Variants in ABCA13 observed in about 807,000 individuals in gnomAD.
The protein encoded by ABCA13 is ATP-binding cassette sub-family A member 13.
In ABCA13, 476 loss-of-function variants were observed where a neutral mutation model predicts 478.7. That is an observed-to-expected ratio of 0.99 (90% confidence interval 0.92 to 1.07). ABCA13 has a LOEUF of 1.07. ABCA13 is among the 50% of genes least tolerant of loss of function. The pLI is 0.00. For missense variants in ABCA13, 6,060 were observed against 5,910.6 expected, an observed-to-expected ratio of 1.03 and a Z score of -0.83; for synonymous variants, 2,252 against 2,158.9, an observed-to-expected ratio of 1.04 and a Z score of -1.20.
Position 48,229,848 on chromosome 7 carries a change from T to C in ABCA13, c.656T>C (p.Leu219Ser). 6.2e-7 allele frequency: 1 copy of C among 1,614,052 alleles called. No individual in the cohort carries two copies. Among genetic ancestry groups the C allele is most frequent in the South Asian group, 1.1e-5 (1 of 91,080 alleles). ...AGTTCCTTAATATCCCTAGAAGATT[T>C]AGATTGGCTTCCACTCAACCAAACT... ...ILNSLISLED[L>S]DWLPLNQTFS... Residue 219 changes from leucine (L) to serine (S), a missense_variant, in exon 7 of 62, where the codon TTA (leucine) becomes TCA (serine). Leu to Ser is a moderately radical substitution (Grantham distance 145). Transcript: ENST00000435803.
At position 48,520,222 on chromosome 7, in the gene ABCA13, A is replaced by T; in HGVS notation, c.13979A>T (p.Gln4660Leu). 1 of 1,613,658 alleles carries T rather than the reference A, an allele frequency of 6.2e-7. No individual in the cohort carries two copies. Among genetic ancestry groups the T allele is most frequent in the Non-Finnish European group, 8.5e-7 (1 of 1,179,758 alleles). Residue 4660 changes from glutamine to leucine, a missense_variant, in exon 53 of 62, where the codon CAA (glutamine) becomes CTA (leucine). This residue lies in a region of ABCA13 where 1,627 missense variants were observed against 1,571.0 expected (regional missense o/e 1.04). Transcript: ENST00000435803. Reference sequence around the variant, plus strand: ...AACTTTCTGGGCTGGATCTTCGTGCAACTGGCCTCGCAGGGCACAGTACTT... The same window carrying T: ...AACTTTCTGGGCTGGATCTTCGTGCTACTGGCCTCGCAGGGCACAGTACTT... ...EMNFLGWIFV[Q>L]LASQGTVLLL...
At chr7:48,392,433 G>A (rs1477017469) in intron 38 of ABCA13, among the ~76,000 whole-genome samples, 2 of 152,118 alleles carry the variant, frequency 1.3e-5, no homozygotes, top group East Asian at 3.9e-4. Flanking sequence ...TGGAGTAAAA[G>A]GTCCCTAGGG....
In ABCA13 at chr7:48,271,557, G is replaced by A. The variant is rs1199524686; in HGVS notation, c.2121-230G>A. Reference sequence around the variant, plus strand: ...ATGCCAGGGGAAAATAATTGAGAATGCTTTCTTTTTGGTGGTAGGAAACAT... The same window carrying A: ...ATGCCAGGGGAAAATAATTGAGAATACTTTCTTTTTGGTGGTAGGAAACAT... On this transcript the variant is annotated intron_variant, in intron 16 of 61. Transcript: ENST00000435803. Among the ~76,000 whole-genome samples, 3 of 151,916 alleles carry A rather than the reference G, an allele frequency of 2.0e-5. 1 individual carries two copies. In the East Asian group the frequency reaches 5.8e-4, roughly 29 times the overall value.
At chr7:48,389,741 T>C (rs925870178) in intron 37 of ABCA13, among the ~76,000 whole-genome samples, 3 of 152,226 alleles carry the variant, frequency 2.0e-5, no homozygotes, top group Admixed American at 6.5e-5. Flanking sequence ...AAGAATCAAA[T>C]CATGTGCTCC....
At chr7:48,493,799 T>A (rs1293419449) in intron 48 of ABCA13, among the ~76,000 whole-genome samples, 1 of 152,198 alleles carries the variant, frequency 6.6e-6, no homozygotes, top group Non-Finnish European at 1.5e-5. Flanking sequence ...ATTTGGTTGA[T>A]TTGGAGTAAG....
At chr7:48,586,396 G>A (rs979255551) in intron 56 of ABCA13, among the ~76,000 whole-genome samples, 3 of 152,120 alleles carry the variant, frequency 2.0e-5, no homozygotes, top group African/African-American at 7.2e-5. Flanking sequence ...ATTCCCTCCA[G>A]CCATAAAAAT....
chr7:48,275,577 G>A lies in ABCA13; in HGVS notation c.5911G>A (p.Glu1971Lys). The change falls in exon 17 of 62, where the codon GAA becomes AAA. Residue 1971 changes from glutamate (E) to lysine (K), a missense_variant. By Grantham distance (56) the Glu-to-Lys change is moderately conservative. Coordinates refer to ENST00000435803, the MANE Select transcript of ABCA13 (RefSeq NM_152701.5). ...NVNFTKVTSG[E>K]NILDKLSSLN... Reference sequence around the variant, plus strand: ...CAACTTTACAAAAGTTACATCAGGTGAAAATATTCTTGACAAACTAAGTAG... The same window carrying A: ...CAACTTTACAAAAGTTACATCAGGTAAAAATATTCTTGACAAACTAAGTAG... 6.2e-7 allele frequency: 1 copy of A among 1,613,320 alleles called. No homozygotes were observed. Among genetic ancestry groups the A allele is most frequent in the Non-Finnish European group, 8.5e-7 (1 of 1,179,634 alleles).
intron 29 of ABCA13, among the ~76,000 whole-genome samples, chr7:48,338,833 A>T (rs1299001458): frequency 6.6e-6 from 1 of 152,234 alleles, no homozygotes; most frequent in Non-Finnish European, 1.5e-5. Flanking sequence ...GCTCAGATAA[A>T]AACATTACCT....
intron 58 of ABCA13, among the ~76,000 whole-genome samples, chr7:48,608,721 G>A (rs924975385): frequency 6.6e-6 from 1 of 152,226 alleles, no homozygotes. Context: ...TAGGGAGAGT[G>A]GGGAGCAGCC....
intron 15 of ABCA13, among the ~76,000 whole-genome samples, chr7:48,254,347 T>A (rs1793060134): frequency 6.6e-6 from 1 of 152,112 alleles, no homozygotes; most frequent in African/African-American, 2.4e-5. Flanking sequence ...CACTGTAGCC[T>A]CGAATTATGA....
chr7:48,540,256 T>A (rs1271454849), intron 55 of ABCA13, among the ~76,000 whole-genome samples: 3 of 152,134 alleles, frequency 2.0e-5, no homozygotes, highest in African/African-American at 7.2e-5. Context: ...AAAGCAAAAT[T>A]AGGTTTATTT....
intron 3 of ABCA13, among the ~76,000 whole-genome samples, chr7:48,216,395 G>A (rs1786482788): frequency 6.6e-6 from 1 of 151,988 alleles, no homozygotes; most frequent in Non-Finnish European, 1.5e-5. Flanking sequence ...TATCTTCCTT[G>A]GAGAAATGTC....
At chr7:48,499,701 A>C (rs139320780) in intron 48 of ABCA13, among the ~76,000 whole-genome samples, 1 of 152,238 alleles carries the variant, frequency 6.6e-6, no homozygotes, top group Non-Finnish European at 1.5e-5. Context: ...TGTACTCAAC[A>C]TGTACATTTT....
chr7:48,287,186 A>C (rs190521015), intron 19 of ABCA13, among the ~76,000 whole-genome samples: 1 of 152,304 alleles, frequency 6.6e-6, no homozygotes, highest in East Asian at 1.9e-4. Context: ...GATGGCCTTG[A>C]GGAGACAGGA....
At chr7:48,256,708 T>C (rs1020804861) in intron 15 of ABCA13, among the ~76,000 whole-genome samples, 1 of 152,234 alleles carries the variant, frequency 6.6e-6, no homozygotes, top group African/African-American at 2.4e-5. Context: ...CATGTTGTTT[T>C]GGTTTCTGTA....
chr7:48,379,481 A>C (rs1814009086), intron 35 of ABCA13, among the ~76,000 whole-genome samples: 1 of 152,182 alleles, frequency 6.6e-6, no homozygotes, highest in Non-Finnish European at 1.5e-5. Flanking sequence ...AAATTTTAAT[A>C]TAAAAGAGAA....
chr7:48,299,090 G>T (rs907533037), intron 23 of ABCA13, among the ~76,000 whole-genome samples: 8 of 152,204 alleles, frequency 5.3e-5, no homozygotes, highest in African/African-American at 1.7e-4. Context: ...TGGAAAAGGG[G>T]AACGGGGACA....
chr7:48,519,229 G>A (rs146234080), intron 52 of ABCA13, among the ~76,000 whole-genome samples: 13 of 152,186 alleles, frequency 8.5e-5, no homozygotes, highest in Non-Finnish European at 1.2e-4. Context: ...TTGATTCCAC[G>A]TCTTTGCTAT....
Position 48,223,542 on chromosome 7 carries a change from T to C in ABCA13, c.468+2233T>C, listed in dbSNP as rs192135718. On this transcript the variant is annotated intron_variant, in intron 5 of 61. Coordinates refer to ENST00000435803, the MANE Select transcript of ABCA13 (RefSeq NM_152701.5). ...TGTCTCAAGTGTGGCTGATTGATCA[T>C]GTAAGAAGAGGATGGAGAAGTGCCA... Among the ~76,000 whole-genome samples the C allele has an allele frequency of 5.9e-5, 9 of 152,202 alleles. No individual in the cohort carries two copies. The East Asian group carries it at 1.6e-3, about 26-fold the overall frequency.
Sources: gnomAD v4.1 joint callset for allele counts (sites outside exome capture counted in the v4.1 genomes callset) on GRCh38, gnomAD v4.1.1 for gene constraint, gnomAD v4.1.1 regional missense constraint, MANE v1.5 for transcripts, NCBI Gene and HGNC (gene_info 2026-07-23, HGNC 2026-07-21) for gene names.